The following EXTL3 variants were observed in gnomAD, a reference collection of about 807,000 sequenced individuals.
EXTL3 encodes the protein exostosin like glycosyltransferase 3, also known as exostosin-like 3.
A neutral mutation model predicts 69.3 loss-of-function variants in EXTL3; 27 were observed. That is an observed-to-expected ratio of 0.39 (90% CI 0.29 to 0.54). EXTL3 has a LOEUF of 0.54. EXTL3 is among the 20% of genes least tolerant of loss of function. The probability of loss-of-function intolerance (pLI) is 0.69; values close to 1 mark genes in which losing one functional copy is unlikely to be tolerated. For synonymous variants in EXTL3, 511 were observed against 499.4 expected (o/e 1.02, Z -0.31); for missense variants, 1,003 against 1,231.8 (o/e 0.81, Z 2.78).
chr8:28,716,026 C>G lies in EXTL3; in HGVS notation c.-34C>G. 2.6e-6 allele frequency: 4 copies of G among 1,554,306 alleles called. No homozygotes were observed. In the South Asian group the frequency reaches 4.5e-5, roughly 18 times the overall value. Reference sequence around the variant, plus strand: ...CAACCCATGGTTATGGCGAGTGACCCGACGTGATCTGGGGGGCAGGCTGCA... The same window carrying G: ...CAACCCATGGTTATGGCGAGTGACCGGACGTGATCTGGGGGGCAGGCTGCA... On this transcript the variant is annotated 5_prime_UTR_variant, in exon 3 of 7. Transcript: ENST00000220562. The surrounding 1 kb of genome is among the most constrained non-coding windows in gnomAD (Gnocchi z 7.1).
Position 28,716,413 on chromosome 8 carries a change from G to A in EXTL3, c.354G>A (p.Lys118=). Residue 118 remains lysine (K), a synonymous_variant, in exon 3 of 7, where the codon AAG becomes AAA. Coordinates refer to ENST00000220562, the MANE Select transcript of EXTL3 (RefSeq NM_001440.4). The surrounding 1 kb of genome is among the most constrained non-coding windows in gnomAD (Gnocchi z 7.1). ...AKLNLKIEAC[K]KSIENAKQDL... is the part of the protein sequence containing the mutation. ...TGAATCTGAAGATCGAAGCCTGTAAGAAGAGCATTGAGAACGCCAAGCAGG... is the reference window on the plus strand; with the variant it reads ...TGAATCTGAAGATCGAAGCCTGTAAAAAGAGCATTGAGAACGCCAAGCAGG... The A allele has an allele frequency of 1.2e-6, 2 of 1,613,838 alleles. No homozygotes were observed. The highest frequency in any genetic ancestry group is 8.5e-7 in the Non-Finnish European group (1 of 1,179,968).
At chr8:28,648,897 G>A (rs1429948002) in intron 1 of EXTL3, among the ~76,000 whole-genome samples, 2 of 151,880 alleles carry the variant, frequency 1.3e-5, no homozygotes, top group Non-Finnish European at 2.9e-5. Context: ...GTTTTGGTTT[G>A]TTTGTTTGTT....
At chr8:28,742,669 TTTCATGG>T (rs1273610689) in intron 5 of EXTL3, 2 of 313,352 alleles carry the variant, frequency 6.4e-6, no homozygotes, top group Admixed American at 9.5e-5. Context: ...GGATCGTGTG[TTTCATGG>T]TTCTGTGATT....
intron 2 of EXTL3, among the ~76,000 whole-genome samples, chr8:28,613,865 C>T (rs1030697828): frequency 6.6e-6 from 1 of 150,776 alleles, no homozygotes; most frequent in African/African-American, 2.4e-5. Flanking sequence ...TTTTTAGAGA[C>T]AGGGTCTCAC....
At chr8:28,719,249 C>T (rs1349936881) in intron 3 of EXTL3, among the ~76,000 whole-genome samples, 6 of 152,142 alleles carry the variant, frequency 3.9e-5, no homozygotes, top group Non-Finnish European at 5.9e-5. Flanking sequence ...GTAGTCATTT[C>T]GTGATCTTTG....
chr8:28,642,035 C>A (rs1341792576), intron 1 of EXTL3, among the ~76,000 whole-genome samples: 1 of 151,870 alleles, frequency 6.6e-6, no homozygotes, highest in African/African-American at 2.4e-5. Flanking sequence ...TGGGATTTCA[C>A]TGTGTTAGCC....
intron 1 of EXTL3, chr8:28,678,014 G>A (rs952265721): frequency 6.6e-6 from 1 of 152,272 alleles, no homozygotes; most frequent in Non-Finnish European, 1.5e-5. Context: ...CCTGGAGAAG[G>A]TGGCTTGGAT....
chr8:28,691,757 C>T (rs944177032), intron 1 of EXTL3, among the ~76,000 whole-genome samples: 9 of 151,522 alleles, frequency 5.9e-5, no homozygotes, highest in Admixed American at 1.3e-4. Flanking sequence ...ATTAGCCAGG[C>T]GTGGTGGCGC....
chr8:28,683,295 G>A (rs917454491), intron 1 of EXTL3, among the ~76,000 whole-genome samples: 19 of 152,096 alleles, frequency 1.2e-4, no homozygotes, highest in African/African-American at 4.6e-4. Context: ...AATGTCATTG[G>A]AATTTGGATA....
chr8:28,619,845 CTTTTTTTTTTTTTTTTTTTTTTTT>C (rs56276866), upstream of EXTL3, among the ~76,000 whole-genome samples: 8 of 50,850 alleles, frequency 1.6e-4, no homozygotes, highest in East Asian at 7.0e-4. Context: ...GCTTCTGGTT[CTTTTTTTTTTTTTTTTTTTTTTTT>C]TTTTTTTTTT....
chr8:28,616,578 G>A (rs1806334184), intron 2 of EXTL3, among the ~76,000 whole-genome samples: 1 of 151,392 alleles, frequency 6.6e-6, no homozygotes, highest in African/African-American at 2.4e-5. Context: ...AGTGAGCCGA[G>A]ATCATGCCAC....
At chr8:28,670,538 G>T (rs1182606760) in intron 1 of EXTL3, among the ~76,000 whole-genome samples, 1 of 152,184 alleles carries the variant, frequency 6.6e-6, no homozygotes, top group Non-Finnish European at 1.5e-5. Context: ...ATGTGTCCGT[G>T]CAAGTCTGAA....
At chr8:28,643,276 C>T (rs1266413158) in intron 1 of EXTL3, among the ~76,000 whole-genome samples, 2 of 152,034 alleles carry the variant, frequency 1.3e-5, no homozygotes, top group East Asian at 3.9e-4. Context: ...ACGGTGAATC[C>T]TGTGTACTCA....
chr8:28,741,630 T>C (rs1392499972), intron 5 of EXTL3: 1 of 152,072 alleles, frequency 6.6e-6, no homozygotes, highest in Non-Finnish European at 1.5e-5. Context: ...TTTTATTTTT[T>C]TGTAGCTATG....
At chr8:28,693,080 G>A (rs536341975) in intron 1 of EXTL3, among the ~76,000 whole-genome samples, 3 of 151,966 alleles carry the variant, frequency 2.0e-5, no homozygotes, top group Non-Finnish European at 4.4e-5. Context: ...TTTGATACCC[G>A]CTGTTGGCGC....
Position 28,673,689 on chromosome 8 carries a change from G to A in EXTL3, c.-52-39768G>A, listed in dbSNP as rs560907693. On this transcript the variant is annotated intron_variant, in intron 1 of 6. Transcript: ENST00000523149. ...TCATTGTGTCTTTGAGAGTGTTTGTGGATGAGACTAGCTCTCTGTATCTAT... is the reference window on the plus strand; with the variant it reads ...TCATTGTGTCTTTGAGAGTGTTTGTAGATGAGACTAGCTCTCTGTATCTAT... Among the ~76,000 whole-genome samples, 4 of 152,222 alleles carry A rather than the reference G, an allele frequency of 2.6e-5. No individual in the cohort carries two copies. In the South Asian group the frequency reaches 8.3e-4, roughly 32 times the overall value.
At chr8:28,747,045 T>G (rs1585300119) in intron 6 of EXTL3, among the ~76,000 whole-genome samples, 1 of 152,258 alleles carries the variant, frequency 6.6e-6, no homozygotes, top group East Asian at 1.9e-4. Flanking sequence ...AAAACAACAG[T>G]TATAAAGTCA....
In EXTL3 at chr8:28,716,052, G is replaced by A; in HGVS notation, c.-8G>A. 1.3e-6 allele frequency: 2 copies of A among 1,596,772 alleles called. No individual in the cohort carries two copies. Among genetic ancestry groups the A allele is most frequent in the Non-Finnish European group, 1.7e-6 (2 of 1,173,644 alleles). On this transcript the variant is annotated 5_prime_UTR_variant, in exon 3 of 7. Transcript: ENST00000220562. This position sits in a 1 kb window ranked among gnomAD's most constrained non-coding sequence, Gnocchi z 7.1. ...GACGTGATCTGGGGGGCAGGCTGCA[G>A]AGGACTCATGACAGGCTATACCATG...
chr8:28,732,389 A>G (rs1015321292), intron 4 of EXTL3, among the ~76,000 whole-genome samples: 5 of 152,136 alleles, frequency 3.3e-5, no homozygotes, highest in Non-Finnish European at 7.4e-5. Flanking sequence ...TTTTTTTACA[A>G]CATTTCTTCA....
Sources: allele counts gnomAD v4.1 joint callset (sites outside exome capture counted in the v4.1 genomes callset), GRCh38; gene constraint gnomAD v4.1.1; non-coding constraint Gnocchi (gnomAD v3.1); transcripts MANE v1.5; gene names NCBI Gene and HGNC (gene_info 2026-07-23, HGNC 2026-07-21).